The following LHFPL2 variants were observed in gnomAD, a reference collection of about 807,000 sequenced individuals.
The protein encoded by LHFPL2 is LHFPL tetraspan subfamily member 2 protein.
Under a neutral mutation model 17.5 loss-of-function variants are expected in LHFPL2, and 7 were observed. The ratio of observed to expected loss-of-function variants is 0.40; its 90% CI spans 0.23 to 0.75. LHFPL2 has a LOEUF of 0.75. Ranked by LOEUF, LHFPL2 falls within the 30% of genes least tolerant of loss-of-function variation. LHFPL2 has a pLI of 0.37. For synonymous variants in LHFPL2, 134 were observed against 116.2 expected (o/e 1.15, Z -0.99); for missense variants, 241 against 294.8 (o/e 0.82, Z 1.34).
At chr5:78,628,164 T>G (rs902845545) in intron 2 of LHFPL2, among the ~76,000 whole-genome samples, 3 of 152,214 alleles carry the variant, frequency 2.0e-5, no homozygotes, top group African/African-American at 7.2e-5. Flanking sequence ...GTGGCTCTGC[T>G]GATCCCAAAA....
intron 2 of LHFPL2, among the ~76,000 whole-genome samples, chr5:78,586,585 G>A (rs1380514755): frequency 2.6e-5 from 4 of 152,118 alleles, no homozygotes; most frequent in South Asian, 2.1e-4. Flanking sequence ...AGTCTGTAAC[G>A]AAGACCACCA....
At chr5:78,566,452 A>T (rs557236122) in intron 2 of LHFPL2, among the ~76,000 whole-genome samples, 9 of 151,586 alleles carry the variant, frequency 5.9e-5, no homozygotes, top group African/African-American at 1.9e-4. Context: ...TTGTTATAAC[A>T]GTTAAGGAAA....
At chr5:78,583,489 ATC>A (rs1484640848) in intron 2 of LHFPL2, among the ~76,000 whole-genome samples, 1 of 144,762 alleles carries the variant, frequency 6.9e-6, no homozygotes, top group Non-Finnish European at 1.5e-5. Flanking sequence ...TGGTGACAAA[ATC>A]TCTCAGCATT....
At chr5:78,586,423 T>C (rs1284648576) in intron 2 of LHFPL2, among the ~76,000 whole-genome samples, 3 of 152,234 alleles carry the variant, frequency 2.0e-5, no homozygotes, top group Non-Finnish European at 4.4e-5. Context: ...GGGTAGAATA[T>C]AGGAACAGTC....
chr5:78,503,122 T>A (rs905863710), intron 4 of LHFPL2, among the ~76,000 whole-genome samples: 4 of 152,228 alleles, frequency 2.6e-5, no homozygotes, highest in Non-Finnish European at 5.9e-5. Flanking sequence ...AGATTATTTT[T>A]GAAGTGGCTT....
intron 2 of LHFPL2, among the ~76,000 whole-genome samples, chr5:78,619,967 C>T (rs1744785324): frequency 3.0e-5 from 3 of 98,582 alleles, no homozygotes; most frequent in Middle Eastern, 4.0e-3. Flanking sequence ...AATAAACATA[C>T]GTGTGCATGT....
At chr5:78,620,619 C>T (rs1046338177) in intron 2 of LHFPL2, among the ~76,000 whole-genome samples, 6 of 152,162 alleles carry the variant, frequency 3.9e-5, no homozygotes, top group East Asian at 1.9e-4. Context: ...TTTTCATGGT[C>T]ACGAATGGGG....
At position 78,558,729 on chromosome 5, in the gene LHFPL2, C is replaced by G. The variant is rs1304037092; in HGVS notation, c.-186+6084G>C. On this transcript the variant is annotated intron_variant, in intron 3 of 4. Coordinates refer to ENST00000380345, the MANE Select transcript of LHFPL2 (RefSeq NM_005779.3). ...ATTCTTTGTGCAATAATCCATCAGA[C>G]AGAAGGCCAGAATCTACCGGAACAT... is the stretch of plus-strand genomic sequence containing the variant. Among the ~76,000 whole-genome samples the G allele has an allele frequency of 4.6e-5, 7 of 152,212 alleles. No homozygotes were observed. In the East Asian group the frequency reaches 1.2e-3, roughly 25 times the overall value.
chr5:78,604,179 T>C (rs150209246), intron 2 of LHFPL2, among the ~76,000 whole-genome samples: 1,622 of 152,068 alleles, frequency 0.011, 13 homozygotes, highest in Non-Finnish European at 0.016. Flanking sequence ...ATAGATATAA[T>C]ATCAGAAGCA....
At chr5:78,611,039 A>G (rs1317437992) in intron 2 of LHFPL2, among the ~76,000 whole-genome samples, 1 of 152,226 alleles carries the variant, frequency 6.6e-6, no homozygotes, top group Non-Finnish European at 1.5e-5. Context: ...GAAGGGAAAA[A>G]AAAAGTTCAT....
intron 4 of LHFPL2, among the ~76,000 whole-genome samples, chr5:78,501,765 G>A (rs1179919007): frequency 6.6e-6 from 1 of 152,188 alleles, no homozygotes; most frequent in Non-Finnish European, 1.5e-5. Context: ...AGCTAAACCA[G>A]GCTTAACGTC....
chr5:78,613,514 C>G (rs1334265068), intron 2 of LHFPL2, among the ~76,000 whole-genome samples: 1 of 152,158 alleles, frequency 6.6e-6, no homozygotes, highest in East Asian at 1.9e-4. Context: ...TAAAACAGGT[C>G]TAATACCCCA....
intron 3 of LHFPL2, among the ~76,000 whole-genome samples, chr5:78,545,480 C>A (rs1417244477): frequency 2.0e-5 from 3 of 152,192 alleles, no homozygotes; most frequent in African/African-American, 7.2e-5. Flanking sequence ...ATGGGGACCT[C>A]ATGGCTTGAA....
intron 4 of LHFPL2, chr5:78,494,507 G>C (rs919480120): frequency 1.0e-6 from 1 of 985,364 alleles, no homozygotes; most frequent in Non-Finnish European, 1.2e-6. Context: ...GCTGGCAATG[G>C]GGGGATCACA....
intron 3 of LHFPL2, among the ~76,000 whole-genome samples, chr5:78,514,629 G>C (rs752733145): frequency 5.9e-5 from 9 of 152,136 alleles, no homozygotes; most frequent in Non-Finnish European, 5.9e-5. Context: ...AGTGCCCGCC[G>C]GCTGGATCAC....
intron 3 of LHFPL2, among the ~76,000 whole-genome samples, chr5:78,532,957 G>A (rs1028158777): frequency 1.3e-5 from 2 of 152,206 alleles, no homozygotes; most frequent in African/African-American, 2.4e-5. Flanking sequence ...AGTGAGGCCC[G>A]TGGTGCCAAC....
At chr5:78,579,666 A>C (rs368182347) in intron 2 of LHFPL2, among the ~76,000 whole-genome samples, 1 of 152,164 alleles carries the variant, frequency 6.6e-6, no homozygotes, top group Non-Finnish European at 1.5e-5. Context: ...TACAAAGGAC[A>C]TGAACTCATC....
chr5:78,518,349 A>G (rs1046087961), intron 3 of LHFPL2, among the ~76,000 whole-genome samples: 4 of 152,200 alleles, frequency 2.6e-5, no homozygotes, highest in African/African-American at 9.7e-5. Flanking sequence ...CGGGCAGATC[A>G]CCTGCGGTCA....
At chr5:78,628,280 C>T (rs1273906578) in intron 2 of LHFPL2, among the ~76,000 whole-genome samples, 3 of 152,212 alleles carry the variant, frequency 2.0e-5, no homozygotes, top group Non-Finnish European at 4.4e-5. Context: ...ACCCCCTGCT[C>T]CTCTAATTTA....
Sources: allele counts gnomAD v4.1 joint callset (sites outside exome capture counted in the v4.1 genomes callset), GRCh38; gene constraint gnomAD v4.1.1; transcripts MANE v1.5; gene names NCBI Gene and HGNC (gene_info 2026-07-23, HGNC 2026-07-21).